Variants in DNAAF11 observed in about 807,000 individuals in gnomAD.
DNAAF11 encodes dynein axonemal assembly factor 11.
A neutral mutation model predicts 60.8 loss-of-function variants in DNAAF11; 45 were observed. That is an observed-to-expected ratio of 0.74 (90% CI 0.58 to 0.95). The LOEUF (loss-of-function observed/expected upper bound fraction) is 0.95, where lower values mean the gene tolerates loss of function less well. DNAAF11 is among the 40% of genes least tolerant of loss of function. The pLI is 0.00. For missense variants in DNAAF11, 546 were observed against 546.2 expected, an observed-to-expected ratio of 1.00 and a Z score of 0.00; for synonymous variants, 191 against 183.5, an observed-to-expected ratio of 1.04 and a Z score of -0.33.
At chr8:132,594,983 C>T (rs926905310) in intron 10 of DNAAF11, among the ~76,000 whole-genome samples, 2 of 152,086 alleles carry the variant, frequency 1.3e-5, no homozygotes, top group African/African-American at 4.8e-5. Flanking sequence ...GTCTTTCTGG[C>T]TCCCTCACAC....
intron 1 of DNAAF11, among the ~76,000 whole-genome samples, chr8:132,674,317 A>G (rs752214713): frequency 1.1e-4 from 16 of 152,048 alleles, no homozygotes; most frequent in Non-Finnish European, 2.2e-4. Flanking sequence ...TGATTTAGGA[A>G]AGGAGTTTCA....
chr8:132,629,941 G>A (rs1820641528), intron 5 of DNAAF11, among the ~76,000 whole-genome samples: 1 of 152,008 alleles, frequency 6.6e-6, no homozygotes, highest in South Asian at 2.1e-4. Flanking sequence ...AATGAAAGAT[G>A]GTTTAAGACT....
chr8:132,633,088 A>C, intron 4 of DNAAF11, 125 bp from the exon 5 acceptor site: 1 of 604,022 alleles, frequency 1.7e-6, no homozygotes, highest in East Asian at 2.8e-5. Flanking sequence ...CAATATAATT[A>C]ATGGGAAATA....
the DNAAF11 span, among the ~76,000 whole-genome samples, chr8:132,685,951 T>G: frequency 6.6e-6 from 1 of 152,148 alleles, no homozygotes; most frequent in African/African-American, 2.4e-5. Context: ...GGGCTGGGAA[T>G]AAAGTGGTAG....
chr8:132,660,895 G>A (rs960807496), intron 2 of DNAAF11, among the ~76,000 whole-genome samples: 14 of 152,230 alleles, frequency 9.2e-5, no homozygotes, highest in Non-Finnish European at 1.8e-4. Flanking sequence ...GCAAGTCTAC[G>A]CCACTTTCTT....
the DNAAF11 span, among the ~76,000 whole-genome samples, chr8:132,690,825 C>A: frequency 2.0e-5 from 3 of 152,218 alleles, no homozygotes; most frequent in African/African-American, 7.2e-5. Context: ...TGCTGTGTTT[C>A]TTGTGATTAA....
chr8:132,633,894 A>C (rs760605569), intron 4 of DNAAF11, among the ~76,000 whole-genome samples: 9 of 152,194 alleles, frequency 5.9e-5, no homozygotes, highest in Non-Finnish European at 1.0e-4. Context: ...TAGAGCCTGA[A>C]GAAAGAATAA....
At chr8:132,633,050 T>C (rs2130462487) in intron 4 of DNAAF11, 87 bp from the exon 5 acceptor site, 1 of 738,514 alleles carries the variant, frequency 1.4e-6, no homozygotes, top group East Asian at 2.6e-5. Flanking sequence ...GAAATAATAA[T>C]ATACCCGATA....
intron 2 of DNAAF11, among the ~76,000 whole-genome samples, chr8:132,661,013 C>T (rs1295571194): frequency 6.6e-6 from 1 of 152,182 alleles, no homozygotes; most frequent in African/African-American, 2.4e-5. Flanking sequence ...ATACCCAATA[C>T]TGAGCCCAAT....
chr8:132,682,067 A>G, the DNAAF11 span, among the ~76,000 whole-genome samples: 1 of 152,216 alleles, frequency 6.6e-6, no homozygotes, highest in Non-Finnish European at 1.5e-5. Context: ...TTAAAACATG[A>G]CAACAAATTA....
At chr8:132,676,111 C>T (rs1335527484), upstream of DNAAF11, among the ~76,000 whole-genome samples, 1 of 152,204 alleles carries the variant, frequency 6.6e-6, no homozygotes, top group Non-Finnish European at 1.5e-5. Flanking sequence ...TTTTTAAAGT[C>T]ACTCTCCAAC....
intron 5 of DNAAF11, among the ~76,000 whole-genome samples, chr8:132,627,962 G>A (rs1277910847): frequency 2.0e-5 from 3 of 152,222 alleles, no homozygotes; most frequent in Non-Finnish European, 2.9e-5. Flanking sequence ...CTGTAGAGGT[G>A]GTCAATATAC....
chr8:132,617,004 T>C (rs970063241), intron 7 of DNAAF11, among the ~76,000 whole-genome samples: 2 of 152,078 alleles, frequency 1.3e-5, no homozygotes, highest in Non-Finnish European at 2.9e-5. Flanking sequence ...GAAGGAAAGG[T>C]ACGGTATATC....
chr8:132,651,101 C>T (rs545219564), intron 3 of DNAAF11, among the ~76,000 whole-genome samples: 1 of 152,082 alleles, frequency 6.6e-6, no homozygotes, highest in Non-Finnish European at 1.5e-5. Flanking sequence ...CTGTGGAGAT[C>T]CAGCTCAGTG....
chr8:132,606,068 C>A (rs1229928508), intron 10 of DNAAF11, among the ~76,000 whole-genome samples: 1 of 151,454 alleles, frequency 6.6e-6, no homozygotes, highest in African/African-American at 2.4e-5. Flanking sequence ...TATAATGGAT[C>A]TGAAAAATTC....
chr8:132,588,743 G>A (rs1034152357), intron 10 of DNAAF11, among the ~76,000 whole-genome samples: 27 of 152,120 alleles, frequency 1.8e-4, no homozygotes, highest in Non-Finnish European at 5.9e-5. Flanking sequence ...AAATAAAAGA[G>A]GTTTAATTGA....
intron 3 of DNAAF11, among the ~76,000 whole-genome samples, chr8:132,649,744 G>A (rs2130707314): frequency 6.6e-6 from 1 of 152,328 alleles, no homozygotes. Flanking sequence ...AGACATTTAT[G>A]CAGCCAACAG....
the DNAAF11 span, among the ~76,000 whole-genome samples, chr8:132,693,499 G>A: frequency 6.6e-6 from 1 of 151,684 alleles, no homozygotes; most frequent in Non-Finnish European, 1.5e-5. Flanking sequence ...GTTATACTAG[G>A]TACTGGGCAC....
chr8:132,699,130 A>G, the DNAAF11 span, among the ~76,000 whole-genome samples: 12 of 151,554 alleles, frequency 7.9e-5, no homozygotes, highest in African/African-American at 2.7e-4. Context: ...CTCCGTCTCA[A>G]AAAGAAAAAA....
Sources: allele counts gnomAD v4.1 joint callset (sites outside exome capture counted in the v4.1 genomes callset), GRCh38; gene constraint gnomAD v4.1.1; transcripts MANE v1.5; gene names NCBI Gene and HGNC (gene_info 2026-07-23, HGNC 2026-07-21).